RAP1GAP2: variants seen among roughly 807,000 people sequenced by gnomAD.
RAP1GAP2 encodes the protein rap1 GTPase-activating protein 2.
In RAP1GAP2, 27 loss-of-function variants were observed where a neutral mutation model predicts 95.0. The observed-to-expected ratio is 0.28, with a 90% CI of 0.21 to 0.39. The LOEUF (loss-of-function observed/expected upper bound fraction) is 0.39, where lower values mean the gene tolerates loss of function less well. RAP1GAP2 is among the 10% of genes least tolerant of loss of function. RAP1GAP2 has a pLI of 1.00. For synonymous variants in RAP1GAP2, 373 were observed against 380.9 expected, an observed-to-expected ratio of 0.98 and a Z score of 0.24; for missense variants, 771 against 970.0, an observed-to-expected ratio of 0.79 and a Z score of 2.72.
chr17:2,975,829 G>A (rs913180259), intron 8 of RAP1GAP2, among the ~76,000 whole-genome samples: 2 of 152,254 alleles, frequency 1.3e-5, no homozygotes, highest in Admixed American at 6.5e-5. Context: ...TTCACACTAA[G>A]CCGTGTGCTC....
intron 18 of RAP1GAP2, among the ~76,000 whole-genome samples, chr17:3,019,219 G>C (rs2046875309): frequency 6.6e-6 from 1 of 152,166 alleles, no homozygotes; most frequent in South Asian, 2.1e-4. Flanking sequence ...GGGCTGGGAA[G>C]GGGAGGGAAT....
chr17:2,879,505 A>G (rs1366600556), intron 2 of RAP1GAP2, among the ~76,000 whole-genome samples: 1 of 151,534 alleles, frequency 6.6e-6, no homozygotes, highest in Non-Finnish European at 1.5e-5. Context: ...AGGCGGGCAG[A>G]TCACGAGATC....
Position 2,849,005 on chromosome 17 carries a change from A to G in RAP1GAP2, c.80+48455A>G, listed in dbSNP as rs552287229. On this transcript the variant is annotated intron_variant, in intron 2 of 24. Transcript: ENST00000254695. ...TACCTGCCAAGAGTGGAGGTGTCTT[A>G]GCACAGGTGTGAGCGTTCAGCTGTG... Among the ~76,000 whole-genome samples the G allele has an allele frequency of 1.1e-4, 17 of 152,168 alleles. 1 individual carries two copies. The South Asian group carries it at 3.5e-3, about 32-fold the overall frequency.
intron 2 of RAP1GAP2, among the ~76,000 whole-genome samples, chr17:2,802,810 T>C (rs2069360269): frequency 6.6e-6 from 1 of 152,056 alleles, no homozygotes; most frequent in South Asian, 2.1e-4. Flanking sequence ...AGCAGGATAG[T>C]AGGACCCCCA....
intron 12 of RAP1GAP2, among the ~76,000 whole-genome samples, chr17:2,992,566 C>T (rs2045800920): frequency 6.6e-6 from 1 of 152,122 alleles, no homozygotes; most frequent in Middle Eastern, 3.2e-3. Flanking sequence ...GGGATGAGTC[C>T]AGACCTGGCC....
At chr17:2,890,535 T>G (rs1259781217) in intron 2 of RAP1GAP2, among the ~76,000 whole-genome samples, 1 of 152,136 alleles carries the variant, frequency 6.6e-6, no homozygotes, top group African/African-American at 2.4e-5. Flanking sequence ...GCATGGATGG[T>G]TTAACACGCC....
intron 8 of RAP1GAP2, among the ~76,000 whole-genome samples, chr17:2,970,076 C>A (rs1222803952): frequency 6.6e-6 from 1 of 151,694 alleles, no homozygotes; most frequent in Admixed American, 6.6e-5. Context: ...GAGTTTAAGA[C>A]CAGCCTGGCT....
chr17:3,021,863 G>T (rs1335430401), intron 19 of RAP1GAP2, among the ~76,000 whole-genome samples: 1 of 152,200 alleles, frequency 6.6e-6, no homozygotes, highest in Admixed American at 6.5e-5. Flanking sequence ...ATATAAAAAA[G>T]ATTTTCCTTA....
At chr17:2,948,816 G>A (rs113675235) in intron 3 of RAP1GAP2, among the ~76,000 whole-genome samples, 5,000 of 152,100 alleles carry the variant, frequency 0.033, 257 homozygotes, top group African/African-American at 0.11. Flanking sequence ...GGAGGGCACA[G>A]GGTGGTGAGA....
chr17:3,032,650 T>C (rs1319416171), intron 24 of RAP1GAP2, among the ~76,000 whole-genome samples: 1 of 152,118 alleles, frequency 6.6e-6, no homozygotes, highest in East Asian at 1.9e-4. Context: ...GGAAGGGGGT[T>C]CCCAGTGACA....
At chr17:3,025,093 A>G (rs1427863662) in intron 19 of RAP1GAP2, among the ~76,000 whole-genome samples, 1 of 152,194 alleles carries the variant, frequency 6.6e-6, no homozygotes, top group Non-Finnish European at 1.5e-5. Context: ...AAGTACATTG[A>G]CGGCCAGGTG....
intron 1 of RAP1GAP2, among the ~76,000 whole-genome samples, chr17:2,786,999 G>A (rs1473740021): frequency 7.1e-6 from 1 of 140,434 alleles, no homozygotes; most frequent in African/African-American, 2.6e-5. Context: ...TCCCCAGGCT[G>A]GTGCGCAGGG....
chr17:2,833,668 A>G (rs374210922), intron 2 of RAP1GAP2, among the ~76,000 whole-genome samples: 15 of 142,564 alleles, frequency 1.1e-4, no homozygotes, highest in Non-Finnish European at 1.5e-5. Context: ...CCAACCTGGG[A>G]GACACAGCGA....
intron 2 of RAP1GAP2, among the ~76,000 whole-genome samples, chr17:2,807,933 G>A (rs927424695): frequency 6.6e-6 from 1 of 152,152 alleles, no homozygotes; most frequent in Non-Finnish European, 1.5e-5. Context: ...AGAGGTCCCC[G>A]GAGACCCTCC....
chr17:3,007,259 A>C (rs953851554), intron 16 of RAP1GAP2, among the ~76,000 whole-genome samples: 5 of 152,154 alleles, frequency 3.3e-5, no homozygotes, highest in African/African-American at 1.2e-4. Flanking sequence ...TAAAGCGCTT[A>C]GGCAGGAGAG....
At position 2,869,090 on chromosome 17, in the gene RAP1GAP2, T is replaced by C. The variant is rs1161688047; in HGVS notation, c.81-36194T>C. Among the ~76,000 whole-genome samples the C allele has an allele frequency of 3.9e-5, 6 of 152,126 alleles. No homozygotes were observed. The East Asian group carries it at 9.6e-4, about 24-fold the overall frequency. The stretch of plus-strand genomic sequence containing the variant: ...AGGCACTGATTCCATTCATGAGGGC[T>C]TCACTCCTCCTGACCCAATCACCTC... On this transcript the variant is annotated intron_variant, in intron 2 of 24. Transcript: ENST00000254695.
chr17:2,824,464 C>T (rs1046393711), intron 2 of RAP1GAP2, among the ~76,000 whole-genome samples: 2 of 143,288 alleles, frequency 1.4e-5, no homozygotes, highest in African/African-American at 5.2e-5. Context: ...AAAAAAAGTC[C>T]GGGCATGGTG....
intron 1 of RAP1GAP2, among the ~76,000 whole-genome samples, chr17:2,763,570 C>T (rs1432437468): frequency 6.6e-6 from 1 of 151,984 alleles, no homozygotes; most frequent in Non-Finnish European, 1.5e-5. Flanking sequence ...GTGGCGGGTG[C>T]CTGTAATCCC....
intron 8 of RAP1GAP2, among the ~76,000 whole-genome samples, chr17:2,967,723 A>C (rs115318048): frequency 0.017 from 2,564 of 152,300 alleles, 80 homozygotes; most frequent in African/African-American, 0.055. Context: ...AATTGGCTCC[A>C]CGGTTTAGCA....
Sources: allele counts gnomAD v4.1 joint callset (sites outside exome capture counted in the v4.1 genomes callset), GRCh38; gene constraint gnomAD v4.1.1; transcripts MANE v1.5; gene names NCBI Gene and HGNC (gene_info 2026-07-23, HGNC 2026-07-21).